EDEM1: variants seen among roughly 807,000 people sequenced by gnomAD.
The protein encoded by EDEM1 is ER degradation enhancing alpha-mannosidase like protein 1.
In EDEM1, 67 loss-of-function variants were observed where a neutral mutation model predicts 74.4. The observed-to-expected ratio is 0.90, with a 90% confidence interval of 0.74 to 1.10. EDEM1 has a LOEUF of 1.10. Ranked by LOEUF, EDEM1 falls within the 50% of genes least tolerant of loss-of-function variation. EDEM1 has a pLI of 0.00. For synonymous variants in EDEM1, 382 were observed against 335.9 expected, an observed-to-expected ratio of 1.14 and a Z score of -1.50; for missense variants, 926 against 851.6, an observed-to-expected ratio of 1.09 and a Z score of -1.09.
intron 11 of EDEM1, among the ~76,000 whole-genome samples, chr3:5,215,605 GTT>G (rs1450314031): frequency 6.6e-6 from 1 of 152,194 alleles, no homozygotes; most frequent in Non-Finnish European, 1.5e-5. Flanking sequence ...GTCTGGAGAC[GTT>G]TTTGATTTTC....
rs1224137513 is a variant in EDEM1, at chr3:5,190,096, A to G, written c.509+1782A>G. Among the ~76,000 whole-genome samples the G allele has an allele frequency of 2.0e-5, 3 of 151,206 alleles. No homozygotes were observed. The East Asian group carries it at 5.8e-4, about 29-fold the overall frequency. The stretch of plus-strand genomic sequence containing the variant: ...TTTCTTTTTAAATCAACATCATTAA[A>G]GTTTGAAAAATATCATAAAATCCCA... On this transcript the variant is annotated intron_variant, in intron 1 of 11. Transcript: ENST00000256497.
chr3:5,207,912 G>T (rs1215707308), intron 7 of EDEM1, among the ~76,000 whole-genome samples, 181 bp from the exon 8 acceptor site: 2 of 152,148 alleles, frequency 1.3e-5, no homozygotes, highest in Admixed American at 6.5e-5. Flanking sequence ...GGCATTAGTG[G>T]CCAGATAGGG....
In EDEM1 at chr3:5,205,071, T is replaced by C; in HGVS notation, c.1047T>C (p.Asn349=). Residue 349 remains asparagine, a synonymous_variant, in exon 6 of 12, where the codon AAT becomes AAC. Transcript: ENST00000256497. The part of the protein sequence containing the change: ...LRSNDTGLLG[N]VVNIQTGHWV... ...GTGCCTTGTTTATTTTTGCAGGCAATGTCGTGAACATTCAGACGGGCCACT... is the reference window on the plus strand; with the variant it reads ...GTGCCTTGTTTATTTTTGCAGGCAACGTCGTGAACATTCAGACGGGCCACT... 6.2e-7 allele frequency: 1 copy of C among 1,613,582 alleles called. No homozygotes were observed. Among genetic ancestry groups the C allele is most frequent in the South Asian group, 1.1e-5 (1 of 91,058 alleles).
At chr3:5,206,694 C>G (rs1164730137) in intron 6 of EDEM1, among the ~76,000 whole-genome samples, 2 of 152,132 alleles carry the variant, frequency 1.3e-5, no homozygotes, top group Admixed American at 6.5e-5. Context: ...TTTTCAAAGC[C>G]ACAAACTAAA....
chr3:5,193,616 A>G lies in EDEM1; in HGVS notation c.510-1593A>G, dbSNP rs189352360. Among the ~76,000 whole-genome samples, 986 of 149,502 alleles carry G rather than the reference A, an allele frequency of 6.6e-3. 14 individuals carry two copies. Among genetic ancestry groups the G allele is most frequent in the African/African-American group, 0.023 (936 of 40,810 alleles). ...GTATCTAAAATTTTTTTTTTTTTTG[A>G]GACAGAGTTTCGCTCTTGTTGCCCA... On this transcript the variant is annotated intron_variant, in intron 1 of 11. Transcript: ENST00000256497.
chr3:5,191,845 A>T (rs2054905935), intron 1 of EDEM1, among the ~76,000 whole-genome samples: 1 of 152,190 alleles, frequency 6.6e-6, no homozygotes, highest in Non-Finnish European at 1.5e-5. Context: ...GGAGGATCCA[A>T]ATTTAAAGTT....
chr3:5,200,276 A>G (rs2055019089), intron 3 of EDEM1, among the ~76,000 whole-genome samples: 1 of 152,200 alleles, frequency 6.6e-6, no homozygotes, highest in East Asian at 1.9e-4. Context: ...TCTGTCTAGT[A>G]CAGAATTTCA....
chr3:5,207,222 G>A lies in EDEM1; in HGVS notation c.1287G>A (p.Gln429=). Residue 429 remains glutamine, a synonymous_variant, in exon 7 of 12, where the codon CAG becomes CAA. Transcript: ENST00000256497. The part of the protein sequence containing the change: ...LYVNVNMFSG[Q]LMNTWIDSLQ... ...TCAACGTGAACATGTTCAGTGGGCA[G>A]CTGATGAACACCTGGATTGACTCTC... The A allele has an allele frequency of 6.2e-7, 1 of 1,614,204 alleles. No homozygotes were observed. Among genetic ancestry groups the A allele is most frequent in the Non-Finnish European group, 8.5e-7 (1 of 1,180,030 alleles).
chr3:5,212,334 C>T (rs1326819538), intron 10 of EDEM1, among the ~76,000 whole-genome samples: 2 of 152,198 alleles, frequency 1.3e-5, no homozygotes, highest in South Asian at 2.1e-4. Flanking sequence ...GTCCTGCTGT[C>T]GATTCCTGTG....
intron 6 of EDEM1, among the ~76,000 whole-genome samples, chr3:5,206,633 T>C (rs760899342): frequency 6.6e-6 from 1 of 152,224 alleles, no homozygotes; most frequent in African/African-American, 2.4e-5. Context: ...ACCACTTGTA[T>C]GTGCTATGTT....
At position 5,216,569 on chromosome 3, in the gene EDEM1, A is replaced by C. The variant is rs754118516; in HGVS notation, c.*651A>C. 5 of 152,354 alleles carry C rather than the reference A, an allele frequency of 3.3e-5. No individual in the cohort carries two copies. The highest frequency in any genetic ancestry group is 4.8e-5 in the African/African-American group (2 of 41,456). 9.4% of individuals were successfully genotyped at this position (152,354 alleles called of 1,614,324 possible). Reference sequence around the variant, plus strand: ...AATTGGGGTCTTCCCCTGATATCCAACCGTGATTTTGGATCACATGGGAGA... The same window carrying C: ...AATTGGGGTCTTCCCCTGATATCCACCCGTGATTTTGGATCACATGGGAGA... On this transcript the variant is annotated 3_prime_UTR_variant, in exon 12 of 12. Coordinates refer to ENST00000256497, the MANE Select transcript of EDEM1 (RefSeq NM_014674.3).
Position 5,203,165 on chromosome 3 carries a change from T to C in EDEM1, c.1042+16T>C. On this transcript the variant is annotated intron_variant, in intron 5 of 11. Transcript: ENST00000256497. ...GGATTACTAGGTGTGGCACCTTTCC[T>C]CGCCATTGGGACTGCACACTGCTTG... 1 of 1,547,484 alleles carries C rather than the reference T, an allele frequency of 6.5e-7. No homozygotes were observed.
intron 4 of EDEM1, among the ~76,000 whole-genome samples, chr3:5,202,300 G>T (rs1375443591): frequency 6.6e-6 from 1 of 152,228 alleles, no homozygotes; most frequent in Non-Finnish European, 1.5e-5. Flanking sequence ...CCTCACATGG[G>T]TATTGCGGGA....
rs2055036758 is a variant in EDEM1, at chr3:5,201,700, G to A, written c.687-53G>A. On this transcript the variant is annotated intron_variant, in intron 3 of 11. Transcript: ENST00000256497. ...CTTCTATCTTTCTGAATTGGATTAT[G>A]TGCATTTACAAGCAACACGATTGTA... The A allele has an allele frequency of 3.1e-6, 5 of 1,598,784 alleles. No homozygotes were observed. The South Asian group carries it at 5.5e-5, about 18-fold the overall frequency.
rs896322788 is a variant in EDEM1 at position 5,219,355 on chromosome 3, A to C, written c.*3437A>C. ...TTAGCCACAGGGTGGCTGAGCAGGA[A>C]CTTTAGAAGAAAATCCTGAGCTTTC... On this transcript the variant is annotated 3_prime_UTR_variant, in exon 12 of 12. Transcript: ENST00000256497. 2 of 152,176 alleles carry C rather than the reference A, an allele frequency of 1.3e-5. No homozygotes were observed. Among genetic ancestry groups the C allele is most frequent in the Non-Finnish European group, 2.9e-5 (2 of 68,032 alleles). 9.4% of individuals were successfully genotyped at this position (152,176 alleles called of 1,614,324 possible).
In EDEM1 at chr3:5,213,383, A is replaced by G. The variant is rs939309875; in HGVS notation, c.1745A>G (p.His582Arg). ...GTRYMFTTEG[H>R]IVSVDEHLRE... ...AGATACATGTTCACAACAGAGGGACACATTGTATCTGTGGATGAGCATCTT... is the reference window on the plus strand; with the variant it reads ...AGATACATGTTCACAACAGAGGGACGCATTGTATCTGTGGATGAGCATCTT... The change falls in exon 11 of 12, where the codon CAC becomes CGC. Residue 582 changes from histidine to arginine, a missense_variant. By Grantham distance (29) the His-to-Arg change is conservative. Coordinates refer to ENST00000256497, the MANE Select transcript of EDEM1 (RefSeq NM_014674.3). 6.2e-7 allele frequency: 1 copy of G among 1,614,162 alleles called. No homozygotes were observed. Among genetic ancestry groups the G allele is most frequent in the Non-Finnish European group, 8.5e-7 (1 of 1,180,002 alleles).
Position 5,215,827 on chromosome 3 carries a change from A to G in EDEM1, c.1885-2A>G. ...AATTTTCCCTCGTTTTTGTCTTTCT[A>G]GTGCAATCGTGTACCTGATGAGAGG... On this transcript the variant is annotated splice_acceptor_variant, in intron 11 of 11. Coordinates refer to ENST00000256497, the MANE Select transcript of EDEM1 (RefSeq NM_014674.3). LOFTEE classifies it high-confidence loss of function. 2 of 1,612,936 alleles carry G rather than the reference A, an allele frequency of 1.2e-6. No individual in the cohort carries two copies. Among genetic ancestry groups the G allele is most frequent in the South Asian group, 1.1e-5 (1 of 90,884 alleles).
At position 5,202,925 on chromosome 3, in the gene EDEM1, C is replaced by G. The variant is rs781507004; in HGVS notation, c.859-41C>G. The G allele has an allele frequency of 7.4e-5, 117 of 1,588,112 alleles. 1 individual carries two copies. In the Admixed American group the frequency reaches 1.9e-3, roughly 26 times the overall value. Reference sequence around the variant, plus strand: ...ACCCGGCTTTTCAGCTCTGTGGATTCCTTGAGTTTTGTCACAGTCTTTGTC... The same window carrying G: ...ACCCGGCTTTTCAGCTCTGTGGATTGCTTGAGTTTTGTCACAGTCTTTGTC... On this transcript the variant is annotated intron_variant, in intron 4 of 11. Coordinates refer to ENST00000256497, the MANE Select transcript of EDEM1 (RefSeq NM_014674.3).
intron 3 of EDEM1, among the ~76,000 whole-genome samples, chr3:5,201,497 CTATTTTA>C (rs2055034038): frequency 1.3e-5 from 2 of 152,096 alleles, no homozygotes; most frequent in African/African-American, 4.8e-5. Flanking sequence ...AAAATTGTTA[CTATTTTA>C]AATAGCATTG....
Sources: gnomAD v4.1 joint callset for allele counts (sites outside exome capture counted in the v4.1 genomes callset) on GRCh38, gnomAD v4.1.1 for gene constraint, MANE v1.5 for transcripts, NCBI Gene and HGNC (gene_info 2026-07-23, HGNC 2026-07-21) for gene names.